Variants in PALM2AKAP2 observed in about 807,000 individuals in gnomAD.
The protein encoded by PALM2AKAP2 is PALM2-AKAP2 fusion protein.
Under a neutral mutation model 71.5 loss-of-function variants are expected in PALM2AKAP2, and 37 were observed. The ratio of observed to expected loss-of-function variants is 0.52; its 90% CI spans 0.40 to 0.68. The LOEUF (loss-of-function observed/expected upper bound fraction) is 0.68, where lower values mean the gene tolerates loss of function less well. Among genes scored for constraint, PALM2AKAP2 ranks in the 30% least tolerant of loss-of-function variants. The pLI, the probability that PALM2AKAP2 is intolerant of heterozygous loss-of-function variation, is 0.00. For synonymous variants in PALM2AKAP2, 468 were observed against 478.8 expected (o/e 0.98, Z 0.29); for missense variants, 1,224 against 1,191.8 (o/e 1.03, Z -0.40).
Position 109,752,975 on chromosome 9 carries a change from G to A in PALM2AKAP2, c.6-27513G>A, listed in dbSNP as rs533284269. On this transcript the variant is annotated intron_variant, in intron 1 of 6. Transcript: ENST00000374531. ...GTACTAGCTGGTCAAGAAGAGGAGA[G>A]GCAAGTTCAAGAACTGCCTGTTTTC... 1.6e-4 allele frequency among the ~76,000 whole-genome samples: 24 copies of A among 152,194 alleles called. No individual in the cohort carries two copies. In the South Asian group the frequency reaches 4.6e-3, roughly 29 times the overall value.
At chr9:109,647,131 G>T (rs902727447) in intron 1 of PALM2AKAP2, among the ~76,000 whole-genome samples, 1 of 147,600 alleles carries the variant, frequency 6.8e-6, no homozygotes, top group Non-Finnish European at 1.5e-5. Context: ...ATATATATAG[G>T]TTTAAATATT....
rs1386299126 is a variant in PALM2AKAP2 at position 109,668,097 on chromosome 9, CG to C, written c.5+27233del. Among the ~76,000 whole-genome samples, 6 of 66,808 alleles carry C rather than the reference CG, an allele frequency of 9.0e-5. 2 individuals are homozygous for C. Among genetic ancestry groups the C allele is most frequent in the Non-Finnish European group, 5.5e-5 (2 of 36,634 alleles). 43.8% of individuals were successfully genotyped at this position (66,808 alleles called of 152,430 possible). On this transcript the variant is annotated intron_variant, in intron 1 of 6. Transcript: ENST00000374531. Reference sequence around the variant, plus strand: ...GACTACAGGCGCCCGCCACTACGCCCGGCTAATTTTTTGTATTTTTAGTAGA... The same window carrying C: ...GACTACAGGCGCCCGCCACTACGCCCGCTAATTTTTTGTATTTTTAGTAGA...
chr9:110,147,327 A>T (rs1413223773), intron 2 of PALM2AKAP2, among the ~76,000 whole-genome samples: 1 of 151,952 alleles, frequency 6.6e-6, no homozygotes, highest in Non-Finnish European at 1.5e-5. Context: ...CTCTGGATTC[A>T]TATCTCAAGC....
At chr9:109,984,745 C>T (rs1248336398) in intron 6 of PALM2AKAP2, among the ~76,000 whole-genome samples, 2 of 150,068 alleles carry the variant, frequency 1.3e-5, no homozygotes, top group African/African-American at 2.5e-5. Flanking sequence ...TGGTGGAGTG[C>T]CTTTAATCCC....
chr9:109,964,364 T>G (rs997851166), intron 6 of PALM2AKAP2, among the ~76,000 whole-genome samples: 1 of 136,068 alleles, frequency 7.3e-6, no homozygotes, highest in Non-Finnish European at 1.6e-5. Context: ...TTGTGCCAAA[T>G]GGGCTACTGC....
chr9:110,078,188 C>T (rs1051673725), intron 1 of PALM2AKAP2, among the ~76,000 whole-genome samples: 2 of 152,140 alleles, frequency 1.3e-5, no homozygotes, highest in African/African-American at 4.8e-5. Flanking sequence ...CCAGCGGCGA[C>T]CAGATTTGGC....
chr9:109,692,716 G>A (rs1233581430), intron 1 of PALM2AKAP2, among the ~76,000 whole-genome samples: 2 of 151,914 alleles, frequency 1.3e-5, no homozygotes, highest in African/African-American at 4.8e-5. Context: ...TTTAAAATAT[G>A]TTAATATGGT....
chr9:110,006,350 C>CTTTCTTTCTTTCTTTA (rs1832784318), intron 6 of PALM2AKAP2, among the ~76,000 whole-genome samples: 3 of 132,438 alleles, frequency 2.3e-5, no homozygotes, highest in African/African-American at 8.9e-5. Flanking sequence ...TTCTTTCTTT[C>CTTTCTTTCTTTCTTTA]TTTCTTTCTT....
chr9:110,001,998 CCCTTTATTT>C (rs1226446012), intron 6 of PALM2AKAP2, among the ~76,000 whole-genome samples: 1 of 152,116 alleles, frequency 6.6e-6, no homozygotes, highest in Non-Finnish European at 1.5e-5. Context: ...TAATTGAATA[CCCTTTATTT>C]CCTTCTCCTT....
At chr9:110,074,999 T>G (rs62580257) in intron 1 of PALM2AKAP2, among the ~76,000 whole-genome samples, 8,718 of 150,106 alleles carry the variant, frequency 0.058, 320 homozygotes, top group Middle Eastern at 0.11. Context: ...TGAGACTCCA[T>G]CTCAAGAAAA....
At chr9:110,022,744 A>G (rs867933239) in intron 7 of PALM2AKAP2, among the ~76,000 whole-genome samples, 5 of 151,264 alleles carry the variant, frequency 3.3e-5, no homozygotes, top group Non-Finnish European at 7.4e-5. Flanking sequence ...CCACCCCACA[A>G]CAGTCCCCGG....
chr9:109,669,866 C>A (rs1320477025), intron 1 of PALM2AKAP2, among the ~76,000 whole-genome samples: 1 of 151,588 alleles, frequency 6.6e-6, no homozygotes, highest in African/African-American at 2.4e-5. Context: ...TCCAAAGTAC[C>A]AACTTTTGTT....
intron 1 of PALM2AKAP2, among the ~76,000 whole-genome samples, chr9:109,858,419 A>G (rs116667926): frequency 8.4e-4 from 128 of 152,232 alleles, no homozygotes; most frequent in African/African-American, 3.1e-3. Flanking sequence ...AGCACTGTGG[A>G]ATGTTAGTGA....
At position 109,815,229 on chromosome 9, in the gene PALM2AKAP2, T is replaced by C. The variant is rs554989732; in HGVS notation, c.45+34696T>C. Among the ~76,000 whole-genome samples the C allele has an allele frequency of 2.0e-5, 3 of 152,232 alleles. No individual in the cohort carries two copies. The East Asian group carries it at 5.8e-4, about 29-fold the overall frequency. ...CATGTTTCCAGCATAGACAAGGGGA[T>C]GGTTGATGTTGAACATGGAAAGAGG... On this transcript the variant is annotated intron_variant, in intron 1 of 9. Transcript: ENST00000302798.
At chr9:109,807,590 A>G (rs1237527702) in intron 1 of PALM2AKAP2, among the ~76,000 whole-genome samples, 3 of 151,546 alleles carry the variant, frequency 2.0e-5, no homozygotes, top group African/African-American at 7.3e-5. Flanking sequence ...AAGAATTCCA[A>G]TATTATGAGC....
chr9:109,903,586 G>A (rs1830377058), intron 3 of PALM2AKAP2, among the ~76,000 whole-genome samples: 1 of 152,170 alleles, frequency 6.6e-6, no homozygotes, highest in Non-Finnish European at 1.5e-5. Context: ...GGAACAAGGA[G>A]TTCAGTGTTG....
chr9:109,983,449 CCTCT>C (rs1832314576), intron 6 of PALM2AKAP2, among the ~76,000 whole-genome samples: 1 of 151,758 alleles, frequency 6.6e-6, no homozygotes, highest in East Asian at 1.9e-4. Context: ...TCCTTTTTTT[CCTCT>C]CTCTCTCCCT....
At chr9:109,748,134 G>C (rs1243641114) in intron 1 of PALM2AKAP2, among the ~76,000 whole-genome samples, 2 of 152,192 alleles carry the variant, frequency 1.3e-5, no homozygotes, top group Non-Finnish European at 2.9e-5. Flanking sequence ...ATACTTAGTT[G>C]ATTAACCACT....
chr9:110,172,062 A>G (rs192813685), exon 4 of PALM2AKAP2: 1 of 152,792 alleles, frequency 6.5e-6, no homozygotes, highest in East Asian at 1.9e-4. Flanking sequence ...ACACATATAT[A>G]TATATAAAGT....
Sources: allele counts gnomAD v4.1 joint callset (sites outside exome capture counted in the v4.1 genomes callset), GRCh38; gene constraint gnomAD v4.1.1; transcripts MANE v1.5; gene names NCBI Gene and HGNC (gene_info 2026-07-23, HGNC 2026-07-21).